The following PPFIBP1 variants were observed in gnomAD, a reference collection of about 807,000 sequenced individuals.
The protein encoded by PPFIBP1 is PPFIB scaffold protein 1, also known as liprin-beta-1.
Under a neutral mutation model 137.8 loss-of-function variants are expected in PPFIBP1, and 112 were observed. The ratio of observed to expected loss-of-function variants is 0.81; its 90% confidence interval spans 0.70 to 0.95. The LOEUF (loss-of-function observed/expected upper bound fraction) is 0.95, where lower values mean the gene tolerates loss of function less well. Among genes scored for constraint, PPFIBP1 ranks in the 40% least tolerant of loss-of-function variants. The pLI, the probability that PPFIBP1 is intolerant of heterozygous loss-of-function variation, is 0.00. For missense variants in PPFIBP1, 1,083 were observed against 1,196.6 expected (o/e 0.91, Z 1.40); for synonymous variants, 378 against 417.3 (o/e 0.91, Z 1.15).
intron 2 of PPFIBP1, chr12:27,593,865 C>T: frequency 6.9e-7 from 1 of 1,443,532 alleles, no homozygotes; most frequent in South Asian, 1.6e-5. Context: ...CCCCATGCCC[C>T]TTGGATGGGA....
At chr12:27,667,955 G>T (rs2059961087) in intron 13 of PPFIBP1, among the ~76,000 whole-genome samples, 1 of 152,124 alleles carries the variant, frequency 6.6e-6, no homozygotes, top group African/African-American at 2.4e-5. Flanking sequence ...CATCTCTTCT[G>T]CTGTAGCCAC....
chr12:27,563,923 A>G (rs1425499629), intron 1 of PPFIBP1, among the ~76,000 whole-genome samples: 1 of 146,524 alleles, frequency 6.8e-6, no homozygotes, highest in African/African-American at 2.5e-5. Flanking sequence ...CCCAGGCTGG[A>G]GTGCAATGGT....
chr12:27,611,279 G>A (rs780807119), intron 2 of PPFIBP1, among the ~76,000 whole-genome samples: 2 of 152,188 alleles, frequency 1.3e-5, no homozygotes, highest in Non-Finnish European at 2.9e-5. Context: ...GAAAGTATTG[G>A]AAAGGTTGGG....
rs142316415 is a variant in PPFIBP1, at chr12:27,530,471, G to C, written c.-124+6106G>C. 2.7e-3 allele frequency among the ~76,000 whole-genome samples: 411 copies of C among 152,328 alleles called. 1 individual carries two copies. Among genetic ancestry groups the C allele is most frequent in the African/African-American group, 9.2e-3 (384 of 41,556 alleles). Reference sequence around the variant, plus strand: ...TTCCATCCTCCACCCCCATCAATGTGTGACTTTGCATAACTGAGAAAGCTA... The same window carrying C: ...TTCCATCCTCCACCCCCATCAATGTCTGACTTTGCATAACTGAGAAAGCTA... On this transcript the variant is annotated intron_variant, in intron 1 of 29. Transcript: ENST00000228425.
At chr12:27,568,214 A>C (rs777730073) in intron 1 of PPFIBP1, among the ~76,000 whole-genome samples, 8 of 152,228 alleles carry the variant, frequency 5.3e-5, no homozygotes, top group Non-Finnish European at 1.2e-4. Flanking sequence ...AGTTGTCATT[A>C]ATGCTGGTCA....
chr12:27,671,811 C>T (rs1324978419), intron 14 of PPFIBP1, among the ~76,000 whole-genome samples: 1 of 152,212 alleles, frequency 6.6e-6, no homozygotes, highest in Non-Finnish European at 1.5e-5. Flanking sequence ...GTGGCTCACG[C>T]CTGTAATCTC....
At chr12:27,674,407 A>G (rs2060377822) in intron 17 of PPFIBP1, among the ~76,000 whole-genome samples, 186 bp downstream of exon 17, 1 of 138,968 alleles carries the variant, frequency 7.2e-6, no homozygotes, top group Admixed American at 7.6e-5. Context: ...ATAAATCTAT[A>G]GAAATAGAAT....
At chr12:27,648,247 G>A (rs980142188) in intron 6 of PPFIBP1, among the ~76,000 whole-genome samples, 2 of 152,112 alleles carry the variant, frequency 1.3e-5, no homozygotes, top group African/African-American at 4.8e-5. Flanking sequence ...ATATGAAAAG[G>A]TGCTCAACAT....
intron 13 of PPFIBP1, among the ~76,000 whole-genome samples, chr12:27,668,851 T>A (rs1224161797): frequency 6.6e-6 from 1 of 152,206 alleles, no homozygotes; most frequent in African/African-American, 2.4e-5. Flanking sequence ...CTATTTTTAT[T>A]TGATTCTAGT....
chr12:27,633,336 G>A (rs1195139040), intron 2 of PPFIBP1, 26 bp from the exon 3 acceptor site: 1 of 1,489,930 alleles, frequency 6.7e-7, no homozygotes. Flanking sequence ...TTTAATGGAT[G>A]TAATGATAAC....
Position 27,647,729 on chromosome 12 carries a change from G to T in PPFIBP1, c.358G>T (p.Val120Leu). Residue 120 changes from valine to leucine, a missense_variant and splice_region_variant, in exon 6 of 30, where the codon GTA becomes TTA. Coordinates refer to ENST00000228425, the MANE Select transcript of PPFIBP1 (RefSeq NM_003622.4). ...TTGCATTATTTTGCTCTAAATACAG[G>T]TAAGTGTGTTAACAGACCAGGTGGA... ...ENDKESLVLQ[V>L]SVLTDQVEAQ... 1 of 1,588,730 alleles carries T rather than the reference G, an allele frequency of 6.3e-7. No individual in the cohort carries two copies. The highest frequency in any genetic ancestry group is 1.4e-5 in the African/African-American group (1 of 73,784).
chr12:27,639,402 C>T (rs7303526), intron 4 of PPFIBP1, among the ~76,000 whole-genome samples: 89,681 of 152,006 alleles, frequency 0.59, 26,977 homozygotes, highest in Admixed American at 0.65. Context: ...CAAGTAGTTA[C>T]TTACTTTAGG....
At chr12:27,613,171 G>C (rs1261830320) in intron 2 of PPFIBP1, among the ~76,000 whole-genome samples, 1 of 152,224 alleles carries the variant, frequency 6.6e-6, no homozygotes, top group Non-Finnish European at 1.5e-5. Flanking sequence ...TGATTGCCAT[G>C]CCTGGCTTCT....
At chr12:27,595,013 C>CT (rs1429847337) in intron 2 of PPFIBP1, among the ~76,000 whole-genome samples, 2 of 152,164 alleles carry the variant, frequency 1.3e-5, no homozygotes, top group African/African-American at 4.8e-5. Context: ...AGTAAACCTG[C>CT]TTTTCCATAA....
At chr12:27,646,338 A>G in intron 5 of PPFIBP1, 190 bp downstream of exon 5, 1 of 619,428 alleles carries the variant, frequency 1.6e-6, no homozygotes, top group Non-Finnish European at 3.0e-6. Context: ...GTTTAAAAGG[A>G]GCTACCATTA....
chr12:27,633,326 T>A, intron 2 of PPFIBP1, 36 bp from the exon 3 acceptor site: 1 of 1,414,494 alleles, frequency 7.1e-7, no homozygotes, highest in Non-Finnish European at 1.0e-6. Context: ...GCCTATGTCA[T>A]TTAATGGATG....
intron 24 of PPFIBP1, among the ~76,000 whole-genome samples, chr12:27,686,026 TA>T (rs1355669738): frequency 6.6e-6 from 1 of 152,188 alleles, no homozygotes; most frequent in East Asian, 1.9e-4. Context: ...TGCATTCAGA[TA>T]TTTTTTTAAG....
chr12:27,554,846 C>T (rs939487776), intron 1 of PPFIBP1, among the ~76,000 whole-genome samples: 3 of 151,930 alleles, frequency 2.0e-5, no homozygotes, highest in Non-Finnish European at 2.9e-5. Flanking sequence ...GTGTGGAGAT[C>T]GTGCTGACAC....
At chr12:27,532,791 C>T (rs1423179806) in intron 1 of PPFIBP1, among the ~76,000 whole-genome samples, 4 of 151,978 alleles carry the variant, frequency 2.6e-5, no homozygotes, top group Non-Finnish European at 5.9e-5. Flanking sequence ...TTTGAAAAGA[C>T]GTAAGCTATA....
Sources: allele counts gnomAD v4.1 joint callset (sites outside exome capture counted in the v4.1 genomes callset), GRCh38; gene constraint gnomAD v4.1.1; transcripts MANE v1.5; gene names NCBI Gene and HGNC (gene_info 2026-07-23, HGNC 2026-07-21).